WWP2: variants seen among roughly 807,000 people sequenced by gnomAD.
The protein encoded by WWP2 is WW domain containing E3 ubiquitin protein ligase 2, also known as NEDD4-like E3 ubiquitin-protein ligase WWP2.
WWP2 carries 57 observed loss-of-function variants against 121.0 expected under a neutral mutation model. The ratio of observed to expected loss-of-function variants is 0.47; its 90% CI spans 0.38 to 0.59. The LOEUF (loss-of-function observed/expected upper bound fraction) is 0.59, where lower values mean the gene tolerates loss of function less well. Ranked by LOEUF, WWP2 falls within the 20% of genes least tolerant of loss-of-function variation. WWP2 has a pLI of 0.00. For missense variants in WWP2, 962 were observed against 1,158.9 expected, an observed-to-expected ratio of 0.83 and a Z score of 2.47; for synonymous variants, 449 against 441.3, an observed-to-expected ratio of 1.02 and a Z score of -0.22.
At chr16:69,766,463 G>A (rs1037886144) in intron 1 of WWP2, among the ~76,000 whole-genome samples, 12 of 152,084 alleles carry the variant, frequency 7.9e-5, no homozygotes, top group African/African-American at 2.9e-4. Flanking sequence ...CAGCTTAACT[G>A]GAGTGAAAAC....
intron 6 of WWP2, among the ~76,000 whole-genome samples, chr16:69,848,659 AAAG>A (rs1453979051): frequency 7.9e-5 from 12 of 151,424 alleles, no homozygotes; most frequent in Middle Eastern, 3.4e-3. Context: ...AAAAAAAAAA[AAAG>A]AAGCTATATA....
intron 12 of WWP2, 124 bp from the exon 13 acceptor site, chr16:69,930,006 G>T: frequency 1.4e-6 from 2 of 1,410,770 alleles, no homozygotes; most frequent in Non-Finnish European, 1.9e-6. Context: ...CTTCTTGGGT[G>T]CATGTCCTCA....
intron 10 of WWP2, among the ~76,000 whole-genome samples, chr16:69,920,537 C>T (rs2058544459): frequency 6.6e-6 from 1 of 152,076 alleles, no homozygotes; most frequent in Non-Finnish European, 1.5e-5. Context: ...CTTCTTTGAC[C>T]TATCTGTCCT....
intron 4 of WWP2, among the ~76,000 whole-genome samples, chr16:69,810,727 G>A (rs1195153503): frequency 6.7e-6 from 1 of 149,414 alleles, no homozygotes; most frequent in Non-Finnish European, 1.5e-5. Flanking sequence ...ACTGCGCCCA[G>A]CCTTAACATC....
chr16:69,872,062 AT>A (rs1479712666), intron 7 of WWP2, 131 bp downstream of exon 7: 25 of 1,348,724 alleles, frequency 1.9e-5, no homozygotes, highest in Non-Finnish European at 2.3e-5. Context: ...ACTAAACTGG[AT>A]TTGAATCCAT....
At chr16:69,810,643 G>C (rs1239335609) in intron 4 of WWP2, among the ~76,000 whole-genome samples, 4 of 151,912 alleles carry the variant, frequency 2.6e-5, no homozygotes, top group Non-Finnish European at 4.4e-5. Context: ...GTGTTAGCCA[G>C]ATAGTCTCAA....
At chr16:69,762,413 G>A (rs1373547818) in intron 1 of WWP2, 22 bp downstream of exon 1, 1 of 149,242 alleles carries the variant, frequency 6.7e-6, no homozygotes, top group Non-Finnish European at 1.5e-5. Context: ...TGGCGCGGGG[G>A]GCGCGGTGGG....
At chr16:69,938,082 T>C (rs2058827663) in intron 21 of WWP2, among the ~76,000 whole-genome samples, 1 of 152,206 alleles carries the variant, frequency 6.6e-6, no homozygotes. Context: ...CAAAAAAAAA[T>C]AGCGATTACA....
In WWP2 at chr16:69,908,867, G is replaced by C. The variant is rs2058339774; in HGVS notation, c.1004+17G>C. On this transcript the variant is annotated intron_variant, in intron 9 of 23. Coordinates refer to ENST00000359154, the MANE Select transcript of WWP2 (RefSeq NM_001270454.2). ...TCCTCCAGGGTAGGTCATCAACTGA[G>C]AAGACCTGAGACTCTGGAACTGACA... is the stretch of plus-strand genomic sequence containing the variant. The C allele has an allele frequency of 6.2e-7, 1 of 1,614,148 alleles. No homozygotes were observed. Among genetic ancestry groups the C allele is most frequent in the African/African-American group, 1.3e-5 (1 of 75,050 alleles).
At chr16:69,894,783 G>C (rs2058083107) in intron 8 of WWP2, among the ~76,000 whole-genome samples, 1 of 152,184 alleles carries the variant, frequency 6.6e-6, no homozygotes. Context: ...TGAGCCAACT[G>C]TGTGTACATG....
chr16:69,929,260 G>A (rs146922906), intron 11 of WWP2, among the ~76,000 whole-genome samples, 188 bp from the exon 12 acceptor site: 68 of 151,920 alleles, frequency 4.5e-4, no homozygotes, highest in African/African-American at 1.6e-3. Context: ...CACCAACAAG[G>A]AAGGACCCTC....
At chr16:69,938,111 CTG>C (rs1469403960) in intron 21 of WWP2, among the ~76,000 whole-genome samples, 3 of 152,088 alleles carry the variant, frequency 2.0e-5, no homozygotes, top group Non-Finnish European at 4.4e-5. Context: ...TAGTACATGT[CTG>C]TGTGCATATG....
chr16:69,804,920 ATTCTGTC>A (rs1347819615), intron 4 of WWP2, among the ~76,000 whole-genome samples: 1 of 152,014 alleles, frequency 6.6e-6, no homozygotes, highest in Non-Finnish European at 1.5e-5. Context: ...ATCTTTTCTT[ATTCTGTC>A]TTCTAACTCA....
At chr16:69,797,655 AAGGTAGGCAGATCATCTG>A (rs2056075063) in intron 2 of WWP2, among the ~76,000 whole-genome samples, 1 of 152,088 alleles carries the variant, frequency 6.6e-6, no homozygotes, top group African/African-American at 2.4e-5. Context: ...TTGGGAGGCC[AAGGTAGGCAGATCATCTG>A]AGGTCAGGAG....
intron 1 of WWP2, among the ~76,000 whole-genome samples, chr16:69,767,365 G>GA (rs2151764164): frequency 6.6e-6 from 1 of 152,304 alleles, no homozygotes; most frequent in Non-Finnish European, 1.5e-5. Flanking sequence ...AAATGAAAGA[G>GA]ATGGCCATTT....
chr16:69,800,465 C>T (rs1056982567), intron 4 of WWP2, among the ~76,000 whole-genome samples: 10 of 152,090 alleles, frequency 6.6e-5, no homozygotes, highest in African/African-American at 2.4e-4. Context: ...AGCCAATATA[C>T]TTTTGCTTTT....
intron 4 of WWP2, among the ~76,000 whole-genome samples, chr16:69,815,690 G>A (rs1274629684): frequency 1.3e-5 from 2 of 151,532 alleles, no homozygotes; most frequent in Non-Finnish European, 2.9e-5. Context: ...GGGAGGCTGA[G>A]GCAGGAGAAT....
At chr16:69,893,003 C>T (rs1201533373) in intron 8 of WWP2, among the ~76,000 whole-genome samples, 2 of 152,222 alleles carry the variant, frequency 1.3e-5, no homozygotes, top group Non-Finnish European at 2.9e-5. Context: ...GGATCCACTC[C>T]ACATCTCTGC....
Position 69,929,350 on chromosome 16 carries a change from A to G in WWP2, c.1235-98A>G, listed in dbSNP as rs532342194. ...TCTAACAGGCTGACAACAGGGAGAT[A>G]AACTCAGACCCAGCACCCAGGAGGT... On this transcript the variant is annotated intron_variant, in intron 11 of 23. Transcript: ENST00000359154. The G allele has an allele frequency of 3.5e-4, 393 of 1,110,622 alleles. 1 individual carries two copies. The highest frequency in any genetic ancestry group is 6.3e-4 in the Admixed American group (31 of 49,220). 68.8% of individuals were successfully genotyped at this position (1,110,622 alleles called of 1,614,324 possible).
Sources: allele counts gnomAD v4.1 joint callset (sites outside exome capture counted in the v4.1 genomes callset), GRCh38; gene constraint gnomAD v4.1.1; transcripts MANE v1.5; gene names NCBI Gene and HGNC (gene_info 2026-07-23, HGNC 2026-07-21).